MAFG: variants seen among roughly 807,000 people sequenced by gnomAD.
The protein encoded by MAFG is transcription factor MafG.
In MAFG, 3 loss-of-function variants were observed where a neutral mutation model predicts 12.2. The observed-to-expected ratio is 0.25, with a 90% CI of 0.11 to 0.64. The LOEUF is 0.64. MAFG is among the 30% of genes least tolerant of loss of function. The probability of loss-of-function intolerance (pLI) is 0.85; values close to 1 mark genes in which losing one functional copy is unlikely to be tolerated. For missense variants in MAFG, 153 were observed against 235.5 expected (o/e 0.65, Z 2.29); for synonymous variants, 126 against 109.1 (o/e 1.15, Z -0.96).
At chr17:81,925,537 G>A (rs1052240957) in intron 1 of MAFG, among the ~76,000 whole-genome samples, 3 of 152,192 alleles carry the variant, frequency 2.0e-5, no homozygotes, top group Non-Finnish European at 4.4e-5. Flanking sequence ...TGGGCCGCGC[G>A]GTGGCTCACA....
chr17:81,928,737 G>A (rs915862157), upstream of MAFG, among the ~76,000 whole-genome samples: 1 of 152,204 alleles, frequency 6.6e-6, no homozygotes. This position sits in a 1 kb window ranked among gnomAD's most constrained non-coding sequence, Gnocchi z 8.1. Context: ...TATGGTCCTG[G>A]CGTGGCTTCC....
At position 81,926,480 on chromosome 17, in the gene MAFG, C is replaced by T. The variant is rs1403843399; in HGVS notation, c.-30+1048G>A. Among the ~76,000 whole-genome samples, 2 of 152,168 alleles carry T rather than the reference C, an allele frequency of 1.3e-5. No individual in the cohort carries two copies. The highest frequency in any genetic ancestry group is 6.5e-5 in the Admixed American group (1 of 15,282). On this transcript the variant is annotated intron_variant, in intron 1 of 2. Transcript: ENST00000357736. The surrounding 1 kb of genome is among the most constrained non-coding windows in gnomAD (Gnocchi z 4.6). ...GCCCCTGCTTCCTCCCTGCCCAGCC[C>T]ACTGTCACCCAGGGCTTGGTACACA...
rs1260132655 is a variant in MAFG at position 81,924,165 on chromosome 17, G to A, written c.-29-951C>T. On this transcript the variant is annotated intron_variant, in intron 1 of 2. Transcript: ENST00000357736. The surrounding 1 kb of genome is among the most constrained non-coding windows in gnomAD (Gnocchi z 4.7). ...CCGGGCCTGCCCAACGTGAAGGCTG[G>A]CGGAGTCAGCCCCTCCGAGCTGCAG... 6.6e-6 allele frequency: 1 copy of A among 152,318 alleles called. No individual in the cohort carries two copies. The highest frequency in any genetic ancestry group is 2.4e-5 in the African/African-American group (1 of 41,466). 9.4% of individuals were successfully genotyped at this position (152,318 alleles called of 1,614,324 possible).
At chr17:81,923,262 A>ACCCCCCCCCCCCCCCCCCCCCCC (rs1002296043) in intron 1 of MAFG, 48 bp from the exon 2 acceptor site, 3 of 336,900 alleles carry the variant, frequency 8.9e-6, no homozygotes, top group Admixed American at 2.2e-4. Flanking sequence ...CCCTCGCCGC[A>ACCCCCCCCCCCCCCCCCCCCCCC]CCCCCCCCCC....
At chr17:81,931,004 C>T (rs1049723219), upstream of MAFG, among the ~76,000 whole-genome samples, 17 of 152,186 alleles carry the variant, frequency 1.1e-4, 1 homozygote, top group Admixed American at 9.8e-4. Context: ...CCCGTCCTCA[C>T]GCTCTGTGGC....
At position 81,920,788 on chromosome 17, in the gene MAFG, T is replaced by G. The variant is rs1446472320; in HGVS notation, c.*1817A>C. 3 of 152,396 alleles carry G rather than the reference T, an allele frequency of 2.0e-5. No individual in the cohort carries two copies. Among genetic ancestry groups the G allele is most frequent in the Non-Finnish European group, 4.4e-5 (3 of 68,176 alleles). The allele number at this position is 152,396 out of a possible 1,614,324, so 9.4% of individuals were successfully genotyped here. A position where few individuals can be genotyped will look rare whatever the true frequency, so the allele number is the denominator to read the frequency against. Reference sequence around the variant, plus strand: ...AGGGACAAGACCCGGCCCTGGAGACTGTAGCCCTTGTCTGCACTGGTGGAG... The same window carrying G: ...AGGGACAAGACCCGGCCCTGGAGACGGTAGCCCTTGTCTGCACTGGTGGAG... On this transcript the variant is annotated 3_prime_UTR_variant, in exon 3 of 3. Transcript: ENST00000357736.
intron 1 of MAFG, chr17:81,923,490 C>A (rs1380894806): frequency 2.7e-6 from 1 of 369,764 alleles, no homozygotes; most frequent in Non-Finnish European, 4.9e-6. Flanking sequence ...AAGGCAGGCG[C>A]AAGACAAGGG....
In MAFG at chr17:81,918,318, A is replaced by G. The variant is rs747040507; in HGVS notation, c.*4287T>C. On this transcript the variant is annotated 3_prime_UTR_variant, in exon 3 of 3. Transcript: ENST00000357736. Reference sequence around the variant, plus strand: ...ATATACAAAATAAAGAAAACCTTATATATCACAAACATACACTATGTACAG... The same window carrying G: ...ATATACAAAATAAAGAAAACCTTATGTATCACAAACATACACTATGTACAG... The G allele has an allele frequency of 2.0e-6, 1 of 500,924 alleles. No homozygotes were observed. Among genetic ancestry groups the G allele is most frequent in the Non-Finnish European group, 3.4e-6 (1 of 296,672 alleles). The allele number at this position is 500,924 out of a possible 1,614,324, so 31.0% of individuals were successfully genotyped here. A position where few individuals can be genotyped will look rare whatever the true frequency, so the allele number is the denominator to read the frequency against.
At chr17:81,923,798 C>A (rs1245100662) in intron 1 of MAFG, among the ~76,000 whole-genome samples, 1 of 152,236 alleles carries the variant, frequency 6.6e-6, no homozygotes, top group Non-Finnish European at 1.5e-5. Context: ...GAGCCGGCCT[C>A]GGACAAAGCC....
At chr17:81,929,168 C>T (rs2040965837), upstream of MAFG, among the ~76,000 whole-genome samples, 1 of 152,220 alleles carries the variant, frequency 6.6e-6, no homozygotes, top group Non-Finnish European at 1.5e-5. The surrounding 1 kb of genome is among the most constrained non-coding windows in gnomAD (Gnocchi z 5.7). Context: ...TTTGCACCTC[C>T]GCGCGAATTT....
At chr17:81,923,262 A>ACACCCCCCC (rs1367797849) in intron 1 of MAFG, 48 bp from the exon 2 acceptor site, 1 of 336,902 alleles carries the variant, frequency 3.0e-6, no homozygotes, top group African/African-American at 7.4e-5. Context: ...CCCTCGCCGC[A>ACACCCCCCC]CCCCCCCCCC....
At chr17:81,930,556 C>T (rs1168810345), upstream of MAFG, 1 of 151,684 alleles carries the variant, frequency 6.6e-6, no homozygotes, top group Non-Finnish European at 1.5e-5. This position sits in a 1 kb window ranked among gnomAD's most constrained non-coding sequence, Gnocchi z 4.1. Context: ...CCCAGCTATT[C>T]AGGAGGCTGA....
At chr17:81,928,347 A>G (rs528444007), upstream of MAFG, 3 of 152,256 alleles carry the variant, frequency 2.0e-5, no homozygotes, top group Non-Finnish European at 2.9e-5. This position sits in a 1 kb window ranked among gnomAD's most constrained non-coding sequence, Gnocchi z 8.1. Flanking sequence ...ACTCGGGAGG[A>G]AGATAAACGG....
chr17:81,925,937 C>T (rs551756496), intron 1 of MAFG, among the ~76,000 whole-genome samples: 34 of 149,468 alleles, frequency 2.3e-4, no homozygotes, highest in African/African-American at 8.2e-4. Context: ...CCCCGGGGCT[C>T]ACTGAGAGTG....
rs1186530560 is a variant in MAFG, at chr17:81,926,852, C to T, written c.-30+676G>A. 6.6e-6 allele frequency among the ~76,000 whole-genome samples: 1 copy of T among 152,120 alleles called. No homozygotes were observed. Among genetic ancestry groups the T allele is most frequent in the Non-Finnish European group, 1.5e-5 (1 of 68,006 alleles). On this transcript the variant is annotated intron_variant, in intron 1 of 2. Coordinates refer to ENST00000357736, the MANE Select transcript of MAFG (RefSeq NM_002359.4). This position sits in a 1 kb window ranked among gnomAD's most constrained non-coding sequence, Gnocchi z 4.6. ...CACCCCAAGGCGCCGGGCCTGGCCC[C>T]CTCCCACATCCCCACGGCTCCCTCC...
rs1176862780 is a variant in MAFG at position 81,926,408 on chromosome 17, A to C, written c.-30+1120T>G. ...ACCCAGACTCCAGGGCCAACTGGGG[A>C]GAGAGGCTGGGCTGCTTCCTCCCCT... is the stretch of plus-strand genomic sequence containing the variant. On this transcript the variant is annotated intron_variant, in intron 1 of 2. Coordinates refer to ENST00000357736, the MANE Select transcript of MAFG (RefSeq NM_002359.4). This position sits in a 1 kb window ranked among gnomAD's most constrained non-coding sequence, Gnocchi z 4.6. Among the ~76,000 whole-genome samples the C allele has an allele frequency of 2.0e-5, 3 of 152,018 alleles. No homozygotes were observed. The highest frequency in any genetic ancestry group is 4.4e-5 in the Non-Finnish European group (3 of 67,982).
rs746105372 is a variant in MAFG at position 81,922,947 on chromosome 17, G to C, written c.147C>G (p.Ile49Met). Residue 49 changes from isoleucine to methionine, a missense_variant, in exon 3 of 3, where the codon ATC (isoleucine) becomes ATG (methionine). Physicochemically the swap from Ile to Met is conservative, Grantham distance 10. This residue lies in a region of MAFG where 43 missense variants were observed against 65.6 expected (regional missense o/e 0.66). Coordinates refer to ENST00000357736, the MANE Select transcript of MAFG (RefSeq NM_002359.4). Reference sequence around the variant, plus strand: ...TGCGCCGGCGCTGCTTCAGCTGGACGATCTCCTCCTTGGACAGGCCCCGCA... The same window carrying C: ...TGCGCCGGCGCTGCTTCAGCTGGACCATCTCCTCCTTGGACAGGCCCCGCA... ...QHLRGLSKEE[I>M]VQLKQRRRTL... The C allele has an allele frequency of 1.9e-5, 30 of 1,603,388 alleles. No homozygotes were observed. Among genetic ancestry groups the C allele is most frequent in the Non-Finnish European group, 2.6e-5 (30 of 1,175,374 alleles).
rs989812922 is a variant in MAFG at position 81,922,295 on chromosome 17, C to G, written c.*310G>C. ...CCTGCTCCTTCTCTCTCCCGCAACT[C>G]TCTCTAGTCCGTTCCCACAGCACCA... On this transcript the variant is annotated 3_prime_UTR_variant, in exon 3 of 3. Coordinates refer to ENST00000357736, the MANE Select transcript of MAFG (RefSeq NM_002359.4). The G allele has an allele frequency of 4.6e-6, 1 of 219,704 alleles. No homozygotes were observed. The highest frequency in any genetic ancestry group is 9.2e-5 in the East Asian group (1 of 10,896). The allele number at this position is 219,704 out of a possible 1,614,324, so 13.6% of individuals were successfully genotyped here.
At chr17:81,928,786 C>T (rs2040962393), upstream of MAFG, among the ~76,000 whole-genome samples, 1 of 152,234 alleles carries the variant, frequency 6.6e-6, no homozygotes, top group African/African-American at 2.4e-5. The surrounding 1 kb of genome is among the most constrained non-coding windows in gnomAD (Gnocchi z 8.1). Flanking sequence ...CACACGGGGC[C>T]CTGAGGCCAG....
Sources: allele counts gnomAD v4.1 joint callset (sites outside exome capture counted in the v4.1 genomes callset), GRCh38; gene constraint gnomAD v4.1.1; regional missense constraint gnomAD v4.1.1; non-coding constraint Gnocchi (gnomAD v3.1); transcripts MANE v1.5; gene names NCBI Gene and HGNC (gene_info 2026-07-23, HGNC 2026-07-21).